The following NEMP2 variants were observed in gnomAD, a reference collection of about 807,000 sequenced individuals.
NEMP2 encodes nuclear envelope integral membrane protein 2.
In NEMP2, 53 loss-of-function variants were observed where a neutral mutation model predicts 54.2. The observed-to-expected ratio is 0.98, with a 90% CI of 0.78 to 1.23. NEMP2 has a LOEUF of 1.23. NEMP2 is among the 50% of genes most tolerant of loss of function. NEMP2 has a pLI of 0.00. For synonymous variants in NEMP2, 197 were observed against 190.3 expected (o/e 1.04, Z -0.29); for missense variants, 455 against 511.3 (o/e 0.89, Z 1.06).
chr2:190,497,861 C>T, the NEMP2 span: 1 of 968,298 alleles, frequency 1.0e-6, no homozygotes, highest in Non-Finnish European at 1.5e-6. The surrounding 1 kb of genome is among the most constrained non-coding windows in gnomAD (Gnocchi z 5.2). Flanking sequence ...AATTTCAGTA[C>T]TCTGTGAGCA....
At chr2:190,607,516 C>T in the NEMP2 span, 3 of 152,170 alleles carry the variant, frequency 2.0e-5, no homozygotes, top group Non-Finnish European at 4.4e-5. This position sits in a 1 kb window ranked among gnomAD's most constrained non-coding sequence, Gnocchi z 5.2. Flanking sequence ...TTGAGAAATG[C>T]TACAGTCTAG....
chr2:190,554,351 G>A, the NEMP2 span, among the ~76,000 whole-genome samples: 1 of 152,180 alleles, frequency 6.6e-6, no homozygotes, highest in African/African-American at 2.4e-5. This position sits in a 1 kb window ranked among gnomAD's most constrained non-coding sequence, Gnocchi z 5.7. Flanking sequence ...GGAGCCAAGT[G>A]GTCTGGCTCT....
At chr2:190,439,124 C>G in the NEMP2 span, among the ~76,000 whole-genome samples, 2 of 151,926 alleles carry the variant, frequency 1.3e-5, no homozygotes, top group East Asian at 3.9e-4. This position sits in a 1 kb window ranked among gnomAD's most constrained non-coding sequence, Gnocchi z 5.8. Context: ...ATTATCTGAG[C>G]TGTTTAAATT....
chr2:190,579,776 G>A, the NEMP2 span, among the ~76,000 whole-genome samples: 1 of 152,306 alleles, frequency 6.6e-6, no homozygotes, highest in East Asian at 1.9e-4. Context: ...AAAACAGGCT[G>A]AAACTCTTAT....
In NEMP2 at chr2:190,534,512, G is replaced by A. The variant is rs757859448; in HGVS notation, c.97+47C>T. On this transcript the variant is annotated intron_variant, in intron 1 of 8. Coordinates refer to ENST00000409150, the MANE Select transcript of NEMP2 (RefSeq NM_001142645.2). The stretch of plus-strand genomic sequence containing the variant: ...CGCCCTCAGGGCAGCCGCGAAGCCG[G>A]GGAGCGAGCACGCACGCGCGCGCCG... The A allele has an allele frequency of 1.8e-5, 24 of 1,357,556 alleles. No individual in the cohort carries two copies. The South Asian group carries it at 1.9e-4, about 11-fold the overall frequency. 84.1% of individuals were successfully genotyped at this position (1,357,556 alleles called of 1,614,324 possible). A position where few individuals can be genotyped will look rare whatever the true frequency, so the allele number is the denominator to read the frequency against.
the NEMP2 span, among the ~76,000 whole-genome samples, chr2:190,460,804 C>A: frequency 6.6e-6 from 1 of 152,066 alleles, no homozygotes; most frequent in East Asian, 1.9e-4. Flanking sequence ...GTCATCCCTG[C>A]GAGTGGGAGG....
chr2:190,646,105 A>C, the NEMP2 span, among the ~76,000 whole-genome samples: 1 of 152,242 alleles, frequency 6.6e-6, no homozygotes, highest in East Asian at 1.9e-4. Flanking sequence ...AGAAACCAAA[A>C]CTATTGCATG....
Position 190,528,381 on chromosome 2 carries a change from C to A in NEMP2, c.98-3003G>T, listed in dbSNP as rs905132301. On this transcript the variant is annotated intron_variant, in intron 1 of 8. Transcript: ENST00000409150. The surrounding 1 kb of genome is among the most constrained non-coding windows in gnomAD (Gnocchi z 4.3). The stretch of plus-strand genomic sequence containing the variant: ...CACCTTGTCATGTTCTGCCTTTGCA[C>A]AGCCTCCTCGGGGGGGTCTCTAAGC... Among the ~76,000 whole-genome samples, 1 of 152,176 alleles carries A rather than the reference C, an allele frequency of 6.6e-6. No homozygotes were observed. Among genetic ancestry groups the A allele is most frequent in the Non-Finnish European group, 1.5e-5 (1 of 68,026 alleles).
the NEMP2 span, among the ~76,000 whole-genome samples, chr2:190,641,938 T>G: frequency 6.6e-6 from 1 of 152,240 alleles, no homozygotes; most frequent in East Asian, 1.9e-4. Flanking sequence ...TTCAAAAGTT[T>G]CCATTTACAT....
the NEMP2 span, among the ~76,000 whole-genome samples, chr2:190,446,624 A>G: frequency 2.6e-5 from 4 of 152,196 alleles, no homozygotes. Context: ...AGGCACATTC[A>G]TTTATAAAGA....
At chr2:190,565,307 C>T in the NEMP2 span, among the ~76,000 whole-genome samples, 1 of 152,148 alleles carries the variant, frequency 6.6e-6, no homozygotes, top group East Asian at 1.9e-4. Context: ...GTGCTCTCTC[C>T]CCTCCTACAC....
At chr2:190,434,765 C>T in the NEMP2 span, among the ~76,000 whole-genome samples, 1 of 152,138 alleles carries the variant, frequency 6.6e-6, no homozygotes, top group South Asian at 2.1e-4. The surrounding 1 kb of genome is among the most constrained non-coding windows in gnomAD (Gnocchi z 4.3). Context: ...TTACTGGCAT[C>T]TTATCTAAAA....
the NEMP2 span, among the ~76,000 whole-genome samples, chr2:190,449,886 A>T: frequency 1.3e-5 from 2 of 152,028 alleles, no homozygotes; most frequent in Non-Finnish European, 2.9e-5. Context: ...AGGGGGGAGG[A>T]ATAGCTTTAG....
At chr2:190,425,502 C>T in the NEMP2 span, among the ~76,000 whole-genome samples, 10 of 152,260 alleles carry the variant, frequency 6.6e-5, no homozygotes, top group Non-Finnish European at 1.0e-4. The surrounding 1 kb of genome is among the most constrained non-coding windows in gnomAD (Gnocchi z 4.3). Flanking sequence ...TGAGAACATT[C>T]CCCTCTGTTC....
the NEMP2 span, among the ~76,000 whole-genome samples, chr2:190,494,030 G>T: frequency 1.3e-5 from 2 of 151,510 alleles, no homozygotes; most frequent in Non-Finnish European, 2.9e-5. This position sits in a 1 kb window ranked among gnomAD's most constrained non-coding sequence, Gnocchi z 5.7. Context: ...AAATGAAATT[G>T]AAGGAAAAAA....
At chr2:190,631,400 C>A in the NEMP2 span, among the ~76,000 whole-genome samples, 1 of 152,138 alleles carries the variant, frequency 6.6e-6, no homozygotes, top group African/African-American at 2.4e-5. Flanking sequence ...GTCAAGGAAA[C>A]AAACCTTAGA....
chr2:190,574,274 G>A, the NEMP2 span, among the ~76,000 whole-genome samples: 3 of 152,210 alleles, frequency 2.0e-5, no homozygotes, highest in Admixed American at 2.0e-4. Flanking sequence ...GCTCCAGAAA[G>A]TTCATGAACT....
chr2:190,636,937 TA>T, the NEMP2 span, among the ~76,000 whole-genome samples: 47 of 152,328 alleles, frequency 3.1e-4, no homozygotes, highest in Non-Finnish European at 5.6e-4. Context: ...GCATCTTGCT[TA>T]AATCTTTTCG....
the NEMP2 span, among the ~76,000 whole-genome samples, chr2:190,495,682 T>A: frequency 6.6e-6 from 1 of 151,688 alleles, no homozygotes; most frequent in Admixed American, 6.6e-5. This position sits in a 1 kb window ranked among gnomAD's most constrained non-coding sequence, Gnocchi z 4.7. Context: ...AGAAAACCCA[T>A]AAATAAAGCC....
Sources: allele counts gnomAD v4.1 joint callset (sites outside exome capture counted in the v4.1 genomes callset), GRCh38; gene constraint gnomAD v4.1.1; non-coding constraint Gnocchi (gnomAD v3.1); transcripts MANE v1.5; gene names NCBI Gene and HGNC (gene_info 2026-07-23, HGNC 2026-07-21).